Variants in FBXO34 observed in about 807,000 individuals in gnomAD.
The protein encoded by FBXO34 is F-box protein 34.
Under a neutral mutation model 24.5 loss-of-function variants are expected in FBXO34, and 12 were observed. That is an observed-to-expected ratio of 0.49 (90% CI 0.31 to 0.79). The LOEUF (loss-of-function observed/expected upper bound fraction) is 0.79. Among genes scored for constraint, FBXO34 ranks in the 30% least tolerant of loss-of-function variants. FBXO34 has a pLI of 0.04. For missense variants in FBXO34, 823 were observed against 857.7 expected (o/e 0.96, Z 0.51); for synonymous variants, 320 against 311.9 (o/e 1.03, Z -0.27).
chr14:55,390,855 A>G, the FBXO34 span: 3 of 1,248,698 alleles, frequency 2.4e-6, no homozygotes, highest in South Asian at 2.7e-5. Flanking sequence ...TATTAATCCC[A>G]TGAAATTCCA....
At chr14:55,410,520 G>C in the FBXO34 span, among the ~76,000 whole-genome samples, 1 of 152,176 alleles carries the variant, frequency 6.6e-6, no homozygotes, top group Non-Finnish European at 1.5e-5. Context: ...CTAAAAAAGA[G>C]TTTGTCATTC....
the FBXO34 span, among the ~76,000 whole-genome samples, chr14:55,439,327 C>T: frequency 6.7e-6 from 1 of 149,334 alleles, no homozygotes; most frequent in African/African-American, 2.5e-5. Context: ...ATTTGGCAAA[C>T]CCTGCAACCA....
Position 55,351,046 on chromosome 14 carries a change from G to A in FBXO34, c.656G>A (p.Ser219Asn), listed in dbSNP as rs200456651. 8.1e-6 allele frequency: 13 copies of A among 1,614,218 alleles called. No individual in the cohort carries two copies. In the East Asian group the frequency reaches 1.6e-4, roughly 19 times the overall value. Reference protein sequence around the residue: ...QMVAFLEQRASALLASCSKNC... With the variant: ...QMVAFLEQRANALLASCSKNC... Reference sequence around the variant, plus strand: ...GTTGCCTTCTTGGAGCAAAGAGCCAGTGCTCTGCTAGCTAGCTGTTCAAAA... The same window carrying A: ...GTTGCCTTCTTGGAGCAAAGAGCCAATGCTCTGCTAGCTAGCTGTTCAAAA... Residue 219 changes from serine to asparagine, a missense_variant, in exon 2 of 2, where the codon AGT becomes AAT. By Grantham distance (46) the Ser-to-Asn change is conservative. Around this residue, in one of 2 missense-constraint regions of FBXO34, gnomAD observed 693 missense variants for 659.1 expected, o/e 1.05. Coordinates refer to ENST00000313833, the MANE Select transcript of FBXO34 (RefSeq NM_017943.4).
chr14:55,353,966 G>A (rs1304592262), downstream of FBXO34, among the ~76,000 whole-genome samples: 1 of 152,192 alleles, frequency 6.6e-6, no homozygotes, highest in Non-Finnish European at 1.5e-5. Flanking sequence ...CCAGAAAGCT[G>A]CTGTGGGTGG....
At chr14:55,381,663 C>T in the FBXO34 span, among the ~76,000 whole-genome samples, 618 of 152,274 alleles carry the variant, frequency 4.1e-3, 1 homozygote, top group Non-Finnish European at 5.9e-3. Context: ...GCTATATGTT[C>T]TGTGATTCCA....
At chr14:55,337,359 G>A (rs997493750) in intron 1 of FBXO34, among the ~76,000 whole-genome samples, 4 of 152,120 alleles carry the variant, frequency 2.6e-5, no homozygotes, top group East Asian at 1.9e-4. Context: ...AAATAAATCC[G>A]TTATAAATTG....
At chr14:55,386,146 T>A in the FBXO34 span, 1 of 1,475,500 alleles carries the variant, frequency 6.8e-7, no homozygotes, top group Non-Finnish European at 9.3e-7. Context: ...ACAGTTCCTG[T>A]GTACTGCAGA....
At chr14:55,371,728 CCA>C (rs1228936431), downstream of FBXO34, among the ~76,000 whole-genome samples, 3 of 152,002 alleles carry the variant, frequency 2.0e-5, no homozygotes, top group African/African-American at 4.8e-5. Context: ...GGTGTGAACC[CCA>C]GAGGCGGAGC....
At chr14:55,424,759 A>T in the FBXO34 span, among the ~76,000 whole-genome samples, 9 of 152,232 alleles carry the variant, frequency 5.9e-5, no homozygotes, top group Admixed American at 5.9e-4. Flanking sequence ...AAATCCAATT[A>T]TCCCGAGTTT....
At chr14:55,404,004 G>T in the FBXO34 span, among the ~76,000 whole-genome samples, 1 of 152,122 alleles carries the variant, frequency 6.6e-6, no homozygotes, top group Non-Finnish European at 1.5e-5. Flanking sequence ...AAAATTTGAT[G>T]GGATGGAAAT....
At position 55,289,812 on chromosome 14, in the gene FBXO34, G is replaced by C. The variant is rs1881881889; in HGVS notation, c.-11+18275G>C. On this transcript the variant is annotated intron_variant, in intron 1 of 1. Transcript: ENST00000313833. ...TTATTCTGCCTTGGCCTCACAAAGT[G>C]CTGGGATTACAGGAGTGGGTCCCCA... is the stretch of plus-strand genomic sequence containing the variant. Among the ~76,000 whole-genome samples the C allele has an allele frequency of 2.0e-5, 3 of 152,092 alleles. No homozygotes were observed. The South Asian group carries it at 6.2e-4, about 32-fold the overall frequency.
chr14:55,337,129 G>A (rs961873495), intron 1 of FBXO34, among the ~76,000 whole-genome samples: 1 of 151,712 alleles, frequency 6.6e-6, no homozygotes, highest in Admixed American at 6.6e-5. Flanking sequence ...GTCCACCACT[G>A]TGCCTGGCTA....
the FBXO34 span, among the ~76,000 whole-genome samples, chr14:55,376,867 C>T: frequency 2.0e-5 from 3 of 152,282 alleles, no homozygotes; most frequent in South Asian, 2.1e-4. Context: ...ATGGATGGAA[C>T]GAAAGCTAAG....
chr14:55,382,889 G>A, the FBXO34 span, among the ~76,000 whole-genome samples: 1 of 151,956 alleles, frequency 6.6e-6, no homozygotes, highest in Non-Finnish European at 1.5e-5. Flanking sequence ...GAAATACTGA[G>A]AAAAATATAA....
the FBXO34 span, chr14:55,380,488 T>G: frequency 1.2e-6 from 1 of 860,228 alleles, no homozygotes. Context: ...ACATTCTTAT[T>G]TTTGGTTTAT....
chr14:55,325,851 A>G (rs961175703), intron 1 of FBXO34: 4 of 152,348 alleles, frequency 2.6e-5, no homozygotes, highest in Middle Eastern at 6.8e-3. Context: ...AATGTACTCT[A>G]TAATTGGTTC....
At chr14:55,313,831 C>T (rs748277753) in intron 1 of FBXO34, among the ~76,000 whole-genome samples, 14 of 152,218 alleles carry the variant, frequency 9.2e-5, no homozygotes, top group Non-Finnish European at 1.3e-4. Flanking sequence ...CCTTGACATG[C>T]GGAGATTATG....
chr14:55,436,531 T>C, the FBXO34 span: 1 of 1,578,186 alleles, frequency 6.3e-7, no homozygotes, highest in Non-Finnish European at 8.7e-7. Flanking sequence ...GTACCCAATG[T>C]GCTCAATTAA....
At chr14:55,360,009 C>T (rs891078195) in intron 3 of FBXO34, among the ~76,000 whole-genome samples, 12 of 151,838 alleles carry the variant, frequency 7.9e-5, no homozygotes, top group African/African-American at 2.7e-4. Flanking sequence ...GGGCCCAGGA[C>T]GTCGAGGCTG....
Sources: allele counts gnomAD v4.1 joint callset (sites outside exome capture counted in the v4.1 genomes callset), GRCh38; gene constraint gnomAD v4.1.1; regional missense constraint gnomAD v4.1.1; transcripts MANE v1.5; gene names NCBI Gene and HGNC (gene_info 2026-07-23, HGNC 2026-07-21).